The following TTC23L variants were observed in gnomAD, a reference collection of about 807,000 sequenced individuals.
The protein encoded by TTC23L is tetratricopeptide repeat protein 23-like.
In TTC23L, 42 loss-of-function variants were observed where a neutral mutation model predicts 48.1. The observed-to-expected ratio is 0.87, with a 90% confidence interval of 0.68 to 1.13. TTC23L has a LOEUF of 1.13. Ranked by LOEUF, TTC23L falls within the 50% of genes most tolerant of loss-of-function variation. The probability of loss-of-function intolerance (pLI) is 0.00; values close to 1 mark genes in which losing one functional copy is unlikely to be tolerated. For missense variants in TTC23L, 391 were observed against 421.0 expected (o/e 0.93, Z 0.62); for synonymous variants, 159 against 157.2 (o/e 1.01, Z -0.09).
At chr5:34,884,431 GATAA>G (rs545462669) in intron 9 of TTC23L, among the ~76,000 whole-genome samples, 179 of 152,062 alleles carry the variant, frequency 1.2e-3, no homozygotes, top group African/African-American at 4.2e-3. Context: ...AGGCAGGAAA[GATAA>G]ATAAAAAACA....
the TTC23L span, chr5:34,914,770 C>T: frequency 5.0e-6 from 8 of 1,614,204 alleles, no homozygotes; most frequent in Non-Finnish European, 6.8e-6. Flanking sequence ...TTGCGAAACA[C>T]GTGGCATGTT....
chr5:34,914,810 G>A, the TTC23L span: 3 of 1,614,224 alleles, frequency 1.9e-6, no homozygotes, highest in Non-Finnish European at 2.5e-6. Flanking sequence ...CAAGATAGTG[G>A]AGAGATTCCT....
chr5:34,917,866 G>T, the TTC23L span, among the ~76,000 whole-genome samples: 1 of 152,060 alleles, frequency 6.6e-6, no homozygotes, highest in East Asian at 1.9e-4. Context: ...TTTTAGGGTT[G>T]GAAGGAGGAA....
At chr5:34,914,763 C>T in the TTC23L span, 3 of 1,614,166 alleles carry the variant, frequency 1.9e-6, no homozygotes, top group East Asian at 2.2e-5. Flanking sequence ...TTTTTAGTTG[C>T]GAAACACGTG....
the TTC23L span, chr5:34,911,739 T>C: frequency 5.1e-5 from 82 of 1,614,040 alleles, no homozygotes; most frequent in Non-Finnish European, 6.5e-5. Context: ...CTGTCACCAC[T>C]CCTCCTTCTT....
intron 6 of TTC23L, 129 bp downstream of exon 6, chr5:34,864,691 A>T: frequency 8.4e-7 from 1 of 1,197,464 alleles, no homozygotes; most frequent in Admixed American, 2.5e-5. Flanking sequence ...GCTCATATTT[A>T]CCAAATGGAT....
At chr5:34,854,361 A>G (rs1230109916) in intron 4 of TTC23L, among the ~76,000 whole-genome samples, 3 of 152,144 alleles carry the variant, frequency 2.0e-5, no homozygotes, top group Admixed American at 2.0e-4. Flanking sequence ...TTTTTAGAAT[A>G]GGTTGTGACT....
chr5:34,853,437 A>G (rs1759851225), intron 4 of TTC23L, among the ~76,000 whole-genome samples: 1 of 152,152 alleles, frequency 6.6e-6, no homozygotes, highest in South Asian at 2.1e-4. Context: ...AGGCTGAGGC[A>G]GGAGAATTGC....
At chr5:34,854,431 T>G (rs538954169) in intron 4 of TTC23L, among the ~76,000 whole-genome samples, 80 of 152,344 alleles carry the variant, frequency 5.3e-4, no homozygotes, top group African/African-American at 1.8e-3. Flanking sequence ...AGCTTTTATT[T>G]CAGTTTCTTC....
At chr5:34,916,035 C>T in the TTC23L span, 183 of 994,748 alleles carry the variant, frequency 1.8e-4, no homozygotes, top group Middle Eastern at 2.7e-4. Flanking sequence ...GCAATTCTCC[C>T]GGCCAGACTG....
At chr5:34,885,334 A>C (rs2111726912) in intron 9 of TTC23L, among the ~76,000 whole-genome samples, 1 of 152,342 alleles carries the variant, frequency 6.6e-6, no homozygotes, top group East Asian at 1.9e-4. Flanking sequence ...GGGAAATTTG[A>C]ACATGGAGCT....
At chr5:34,916,667 A>C in the TTC23L span, 9 of 152,344 alleles carry the variant, frequency 5.9e-5, no homozygotes, top group Admixed American at 3.9e-4. Flanking sequence ...GTGAACAAGG[A>C]TTATCTTTGA....
chr5:34,915,101 T>C, the TTC23L span: 13 of 577,448 alleles, frequency 2.3e-5, no homozygotes, highest in East Asian at 2.5e-4. Context: ...TAACTATCTT[T>C]GTAATTCTGG....
At chr5:34,864,546 A>C in exon 6 of TTC23L, 1 of 1,613,408 alleles carries the variant, frequency 6.2e-7, no homozygotes, top group Non-Finnish European at 8.5e-7. Context: ...GAACGACCTA[A>C]CACTTGCTTT....
At chr5:34,899,618 C>T (rs56007938), downstream of TTC23L, among the ~76,000 whole-genome samples, 1,099 of 152,186 alleles carry the variant, frequency 7.2e-3, 9 homozygotes, top group Non-Finnish European at 0.01. Flanking sequence ...TGGCTGGGCG[C>T]GGTGGCTCAT....
At chr5:34,913,457 G>T in the TTC23L span, 1 of 1,462,502 alleles carries the variant, frequency 6.8e-7, no homozygotes, top group Non-Finnish European at 9.4e-7. Flanking sequence ...TCTTTATACT[G>T]ATCATAGTTT....
chr5:34,846,600 T>TATATATATATATATATATACAC (rs61009546), intron 3 of TTC23L, among the ~76,000 whole-genome samples: 6 of 92,898 alleles, frequency 6.5e-5, no homozygotes, highest in African/African-American at 2.1e-4. Context: ...TATATATATA[T>TATATATATATATATATATACAC]ACACACACAT....
At chr5:34,865,117 G>T (rs1259127053) in intron 6 of TTC23L, among the ~76,000 whole-genome samples, 1 of 152,220 alleles carries the variant, frequency 6.6e-6, no homozygotes, top group Non-Finnish European at 1.5e-5. Flanking sequence ...CTGTCTTGCT[G>T]TTGACTTAGG....
chr5:34,916,239 C>T, the TTC23L span: 6 of 185,286 alleles, frequency 3.2e-5, no homozygotes, highest in African/African-American at 4.7e-5. Flanking sequence ...TTATTTCTCG[C>T]TATTATTTCT....
Sources: allele counts gnomAD v4.1 joint callset (sites outside exome capture counted in the v4.1 genomes callset), GRCh38; gene constraint gnomAD v4.1.1; transcripts MANE v1.5; gene names NCBI Gene and HGNC (gene_info 2026-07-23, HGNC 2026-07-21).